Variants in CAMLG observed in about 807,000 individuals in gnomAD.
The protein encoded by CAMLG is guided entry of tail-anchored proteins factor CAMLG.
Under a neutral mutation model 28.9 loss-of-function variants are expected in CAMLG, and 23 were observed. The ratio of observed to expected loss-of-function variants is 0.80; its 90% confidence interval spans 0.57 to 1.13. CAMLG has a LOEUF of 1.13. Ranked by LOEUF, CAMLG falls within the 50% of genes most tolerant of loss-of-function variation. The pLI is 0.00. For missense variants in CAMLG, 367 were observed against 371.9 expected (o/e 0.99, Z 0.11); for synonymous variants, 141 against 146.5 (o/e 0.96, Z 0.27).
Position 134,741,318 on chromosome 5 carries a change from C to G in CAMLG, c.428C>G (p.Ser143Trp). 1 of 1,614,184 alleles carries G rather than the reference C, an allele frequency of 6.2e-7. No homozygotes were observed. The highest frequency in any genetic ancestry group is 8.5e-7 in the Non-Finnish European group (1 of 1,180,010). ...AACAGAGGGGACCTGACAGCGGACT[C>G]GGTCCAGAGGGGTTCCCGCCATGGC... is the stretch of plus-strand genomic sequence containing the variant. ...QRNRGDLTAD[S>W]VQRGSRHGLE... The change falls in exon 2 of 4, where the codon TCG (serine) becomes TGG (tryptophan). Residue 143 changes from serine to tryptophan, a missense_variant. Transcript: ENST00000297156.
At chr5:134,740,776 A>G (rs540150579) in intron 1 of CAMLG, among the ~76,000 whole-genome samples, 1 of 152,136 alleles carries the variant, frequency 6.6e-6, no homozygotes, top group Admixed American at 6.5e-5. Flanking sequence ...CACCCAGCTA[A>G]TTTTTGTATT....
intron 3 of CAMLG, among the ~76,000 whole-genome samples, chr5:134,745,411 C>T (rs531289869): frequency 7.0e-6 from 1 of 142,724 alleles, no homozygotes; most frequent in Non-Finnish European, 1.5e-5. Flanking sequence ...ACTCCAGCAG[C>T]CTGGGCGACA....
rs1198845280 is a variant in CAMLG at position 134,741,448 on chromosome 5, C to T, written c.558C>T (p.Asp186=). The T allele has an allele frequency of 1.2e-6, 2 of 1,614,042 alleles. No homozygotes were observed. The highest frequency in any genetic ancestry group is 1.7e-6 in the Non-Finnish European group (2 of 1,179,880). Residue 186 remains aspartate (D), a synonymous_variant, in exon 2 of 4, where the codon GAC becomes GAT. Transcript: ENST00000297156. ...ATGGAAATACAACAGAAGAATTTGACTCTTTTCGAATATTTAGATTGGTGG... is the reference window on the plus strand; with the variant it reads ...ATGGAAATACAACAGAAGAATTTGATTCTTTTCGAATATTTAGATTGGTGG... The part of the protein sequence containing the change: ...QEDGNTTEEF[D]SFRIFRLVGC...
intron 2 of CAMLG, among the ~76,000 whole-genome samples, chr5:134,742,928 T>G (rs1753001668): frequency 6.6e-6 from 1 of 152,084 alleles, no homozygotes; most frequent in African/African-American, 2.4e-5. Context: ...TTAGTAGAGA[T>G]GGGGTTTCAC....
chr5:134,743,062 T>C (rs941147302), intron 2 of CAMLG, among the ~76,000 whole-genome samples: 3 of 152,150 alleles, frequency 2.0e-5, no homozygotes, highest in Admixed American at 6.5e-5. Flanking sequence ...GTTGTTGTTG[T>C]TGTTTTAGAG....
Position 134,738,723 on chromosome 5 carries a change from A to G in CAMLG, c.103A>G (p.Lys35Glu), listed in dbSNP as rs761813309. The G allele has an allele frequency of 5.6e-6, 9 of 1,613,916 alleles. No individual in the cohort carries two copies. The South Asian group carries it at 9.9e-5, about 18-fold the overall frequency. The change falls in exon 1 of 4, where the codon AAG becomes GAG. Residue 35 changes from lysine (K) to glutamate (E), a missense_variant. Lys to Glu is a moderately conservative substitution (Grantham distance 56, BLOSUM62 1). Coordinates refer to ENST00000297156, the MANE Select transcript of CAMLG (RefSeq NM_001745.4). ...GCGTCGGGCGGAGCTGCGTCGGAGA[A>G]AGCTGCTCATGAACTCGGAACAGCG... ...SQRRAELRRR[K>E]LLMNSEQRIN...
In CAMLG at chr5:134,752,043, A is replaced by T. The variant is rs903115932; in HGVS notation, c.*1093A>T. 2.6e-5 allele frequency: 4 copies of T among 152,242 alleles called. No homozygotes were observed. Among genetic ancestry groups the T allele is most frequent in the African/African-American group, 7.2e-5 (3 of 41,464 alleles). 9.4% of individuals were successfully genotyped at this position (152,242 alleles called of 1,614,324 possible). ...TATTTTGTTGGGTTGTCTTCTTAAA[A>T]GAATATAAGACTAAAGTGTTAATGT... On this transcript the variant is annotated 3_prime_UTR_variant, in exon 4 of 4. Coordinates refer to ENST00000297156, the MANE Select transcript of CAMLG (RefSeq NM_001745.4).
intron 3 of CAMLG, among the ~76,000 whole-genome samples, chr5:134,745,519 A>AG (rs1385749657): frequency 2.6e-5 from 4 of 151,708 alleles, no homozygotes; most frequent in East Asian, 1.9e-4. Flanking sequence ...TCGGAGGCTG[A>AG]GGGGGGTGGA....
At chr5:134,742,911 T>C (rs1463094920) in intron 2 of CAMLG, among the ~76,000 whole-genome samples, 1 of 152,146 alleles carries the variant, frequency 6.6e-6, no homozygotes, top group Non-Finnish European at 1.5e-5. Context: ...GCTAATTTTT[T>C]GTATTTTTAG....
chr5:134,749,572 A>G (rs2150122573), intron 3 of CAMLG, among the ~76,000 whole-genome samples: 1 of 152,284 alleles, frequency 6.6e-6, no homozygotes, highest in South Asian at 2.1e-4. Context: ...TTGCATAACA[A>G]TTAGGGCCCT....
Position 134,741,048 on chromosome 5 carries a change from C to T in CAMLG, c.173-15C>T, listed in dbSNP as rs1192624002. 2 of 1,576,284 alleles carry T rather than the reference C, an allele frequency of 1.3e-6. No homozygotes were observed. The highest frequency in any genetic ancestry group is 2.2e-5 in the East Asian group (1 of 44,598). On this transcript the variant is annotated splice_polypyrimidine_tract_variant and intron_variant, in intron 1 of 3. Transcript: ENST00000297156. ...ATGGAATAAATACATAAGGCTTTTA[C>T]ATTTCTTTTCTCAGAAGAAGAAAGT...
At chr5:134,744,174 G>C in intron 3 of CAMLG, 122 bp downstream of exon 3, 1 of 577,470 alleles carries the variant, frequency 1.7e-6, no homozygotes, top group Non-Finnish European at 3.1e-6. Flanking sequence ...TCAAAGTGTG[G>C]TTTGCCCACT....
At chr5:134,747,414 G>A (rs1460337296) in intron 3 of CAMLG, among the ~76,000 whole-genome samples, 1 of 151,258 alleles carries the variant, frequency 6.6e-6, no homozygotes, top group African/African-American at 2.4e-5. Context: ...TGCCATCTCG[G>A]CTCACTGCAA....
Position 134,750,920 on chromosome 5 carries a change from G to A in CAMLG, c.861G>A (p.Leu287=). The change falls in exon 4 of 4, where the codon CTG becomes CTA. Residue 287 remains leucine (L), a synonymous_variant. Coordinates refer to ENST00000297156, the MANE Select transcript of CAMLG (RefSeq NM_001745.4). ...YFFTFIFCHE[L]LDYWGSEVP is the part of the protein sequence containing the mutation. The stretch of plus-strand genomic sequence containing the variant: ...TCACTTTTATCTTTTGTCATGAACT[G>A]CTTGATTATTGGGGCTCTGAAGTAC... 3 of 1,613,454 alleles carry A rather than the reference G, an allele frequency of 1.9e-6. No homozygotes were observed. The highest frequency in any genetic ancestry group is 2.5e-6 in the Non-Finnish European group (3 of 1,179,790).
intron 3 of CAMLG, among the ~76,000 whole-genome samples, chr5:134,745,783 T>G (rs970893623): frequency 6.7e-6 from 1 of 149,732 alleles, no homozygotes; most frequent in Non-Finnish European, 1.5e-5. Context: ...CTTTGAAACA[T>G]TGATTGTAGT....
chr5:134,744,171 G>A (rs1350555855), intron 3 of CAMLG, 119 bp downstream of exon 3: 5 of 585,810 alleles, frequency 8.5e-6, no homozygotes, highest in Non-Finnish European at 3.0e-6. Context: ...TACTCAAAGT[G>A]TGGTTTGCCC....
chr5:134,750,889 A>C lies in CAMLG; in HGVS notation c.830A>C (p.Tyr277Ser), dbSNP rs371607184. Residue 277 changes from tyrosine (Y) to serine (S), a missense_variant, in exon 4 of 4, where the codon TAC (tyrosine) becomes TCC (serine). Transcript: ENST00000297156. ...MGEVFTDLCV[Y>S]FFTFIFCHEL... ...GAAGTCTTCACAGATCTCTGTGTCT[A>C]CTTTTTCACTTTTATCTTTTGTCAT... The C allele has an allele frequency of 1.2e-6, 2 of 1,613,916 alleles. No homozygotes were observed.
At position 134,750,847 on chromosome 5, in the gene CAMLG, C is replaced by T. The variant is rs1417912079; in HGVS notation, c.788C>T (p.Thr263Ile). Residue 263 changes from threonine to isoleucine, a missense_variant, in exon 4 of 4, where the codon ACC becomes ATC. Transcript: ENST00000297156. ...GAAGTGATAAATCGATCAATGGATA[C>T]CTATAGCAAAATGGGCGAAGTCTTC... The part of the protein sequence containing the change: ...PAEVINRSMD[T>I]YSKMGEVFTD... 1 of 1,613,458 alleles carries T rather than the reference C, an allele frequency of 6.2e-7. No homozygotes were observed. The highest frequency in any genetic ancestry group is 1.3e-5 in the African/African-American group (1 of 74,900).
intron 1 of CAMLG, among the ~76,000 whole-genome samples, chr5:134,739,484 G>A (rs1253089045): frequency 6.6e-6 from 1 of 152,158 alleles, no homozygotes; most frequent in African/African-American, 2.4e-5. Context: ...TTGATGTCTG[G>A]AGCTGCATTT....
Sources: allele counts gnomAD v4.1 joint callset (sites outside exome capture counted in the v4.1 genomes callset), GRCh38; gene constraint gnomAD v4.1.1; transcripts MANE v1.5; gene names NCBI Gene and HGNC (gene_info 2026-07-23, HGNC 2026-07-21).